The following TRIM33 variants were observed in gnomAD, a reference collection of about 807,000 sequenced individuals.
TRIM33 encodes tripartite motif containing 33.
A neutral mutation model predicts 125.4 loss-of-function variants in TRIM33; 20 were observed. The observed-to-expected ratio is 0.16, with a 90% CI of 0.11 to 0.23. TRIM33 has a LOEUF of 0.23. TRIM33 is among the 10% of genes least tolerant of loss of function. The pLI is 1.00. For missense variants in TRIM33, 920 were observed against 1,411.4 expected (o/e 0.65, Z 5.58); for synonymous variants, 564 against 513.9 (o/e 1.10, Z -1.32).
chr1:114,411,294 C>T lies in TRIM33; in HGVS notation c.2062-978G>A, dbSNP rs1289493162. The stretch of plus-strand genomic sequence containing the variant: ...TCCTGAGCTCAAGCAATCTGCACAC[C>T]TTAGTCTCCCAAAGTACTGGGATTA... On this transcript the variant is annotated intron_variant, in intron 11 of 19. Transcript: ENST00000358465. 2.6e-5 allele frequency among the ~76,000 whole-genome samples: 4 copies of T among 152,262 alleles called. No homozygotes were observed. The East Asian group carries it at 5.8e-4, about 22-fold the overall frequency.
chr1:114,463,282 T>G, intron 3 of TRIM33, 46 bp from the exon 4 acceptor site: 1 of 1,565,010 alleles, frequency 6.4e-7, no homozygotes, highest in South Asian at 1.2e-5. Context: ...CATAAAATTT[T>G]TGTCTAGTTT....
chr1:114,434,670 T>C (rs550160551), intron 4 of TRIM33, among the ~76,000 whole-genome samples: 1 of 152,358 alleles, frequency 6.6e-6, no homozygotes, highest in South Asian at 2.1e-4. Context: ...TATTATTTAG[T>C]TTTTTTCTAT....
intron 10 of TRIM33, among the ~76,000 whole-genome samples, chr1:114,422,855 A>T (rs1647295731): frequency 6.6e-6 from 1 of 152,208 alleles, no homozygotes; most frequent in African/African-American, 2.4e-5. Context: ...AATTCAAAGA[A>T]TTGAGGGATA....
chr1:114,455,769 AC>A (rs750117765), intron 4 of TRIM33, among the ~76,000 whole-genome samples: 37 of 152,304 alleles, frequency 2.4e-4, no homozygotes, highest in Admixed American at 5.2e-4. Flanking sequence ...GCTGTATTTT[AC>A]CCCAGTTTGG....
intron 1 of TRIM33, among the ~76,000 whole-genome samples, chr1:114,505,715 C>G (rs1273575020): frequency 6.6e-6 from 1 of 152,076 alleles, no homozygotes; most frequent in African/African-American, 2.4e-5. Flanking sequence ...TTACAGGTGC[C>G]TGCCACCACG....
rs1173040317 is a variant in TRIM33 at position 114,433,605 on chromosome 1, C to T, written c.1040+12G>A. 2.6e-6 allele frequency: 4 copies of T among 1,520,416 alleles called. No individual in the cohort carries two copies. Among genetic ancestry groups the T allele is most frequent in the Non-Finnish European group, 2.7e-6 (3 of 1,113,408 alleles). The allele number at this position is 1,520,416 out of a possible 1,614,324, so 94.2% of individuals were successfully genotyped here. The stretch of plus-strand genomic sequence containing the variant: ...AATTCTTAAAATTATGGTTTTAAGG[C>T]AACAAACTTACCTATTCTGCACCTG... On this transcript the variant is annotated intron_variant, in intron 5 of 19. Coordinates refer to ENST00000358465, the MANE Select transcript of TRIM33 (RefSeq NM_015906.4).
In TRIM33 at chr1:114,394,133, G is replaced by A; in HGVS notation, c.*3515C>T. The stretch of plus-strand genomic sequence containing the variant: ...ATTAAGAATTCATGGTATGAATTAA[G>A]AATCTGTTTTAACTAAGGGAGTTGG... On this transcript the variant is annotated 3_prime_UTR_variant, in exon 20 of 20. Coordinates refer to ENST00000358465, the MANE Select transcript of TRIM33 (RefSeq NM_015906.4). 1 of 229,124 alleles carries A rather than the reference G, an allele frequency of 4.4e-6. No individual in the cohort carries two copies. Among genetic ancestry groups the A allele is most frequent in the African/African-American group, 2.2e-5 (1 of 45,212 alleles). The allele number at this position is 229,124 out of a possible 1,614,324, so 14.2% of individuals were successfully genotyped here.
chr1:114,450,744 G>C (rs940958112), intron 4 of TRIM33, among the ~76,000 whole-genome samples: 2 of 152,076 alleles, frequency 1.3e-5, no homozygotes, highest in Admixed American at 6.6e-5. Context: ...AAACTTCACT[G>C]ATCTTAACCT....
At chr1:114,501,051 G>A (rs1044742724) in intron 1 of TRIM33, among the ~76,000 whole-genome samples, 3 of 115,420 alleles carry the variant, frequency 2.6e-5, no homozygotes, top group African/African-American at 3.8e-5. Context: ...TTAGCCGGGC[G>A]TAGTGGCGGG....
chr1:114,418,340 G>A (rs188560892), intron 11 of TRIM33, among the ~76,000 whole-genome samples: 1 of 152,362 alleles, frequency 6.6e-6, no homozygotes, highest in African/African-American at 2.4e-5. Context: ...TGAGGACACA[G>A]AGCCAAACTG....
At chr1:114,496,734 GCTATCC>G (rs1168104098) in intron 1 of TRIM33, among the ~76,000 whole-genome samples, 3 of 152,178 alleles carry the variant, frequency 2.0e-5, no homozygotes, top group African/African-American at 4.8e-5. Context: ...CAGGTGAAGA[GCTATCC>G]CTGTTTGGCT....
At chr1:114,468,381 CT>C in intron 1 of TRIM33, 1 of 326,310 alleles carries the variant, frequency 3.1e-6, no homozygotes. Flanking sequence ...AGCAGCAGTC[CT>C]TTAGTTAGAG....
intron 10 of TRIM33, among the ~76,000 whole-genome samples, chr1:114,422,405 T>A (rs1647259599): frequency 6.6e-6 from 1 of 152,110 alleles, no homozygotes; most frequent in African/African-American, 2.4e-5. Context: ...CTTGAAGGCC[T>A]TCCATGAACT....
chr1:114,442,222 T>C (rs1214819802), intron 4 of TRIM33, among the ~76,000 whole-genome samples: 1 of 152,176 alleles, frequency 6.6e-6, no homozygotes, highest in Non-Finnish European at 1.5e-5. Flanking sequence ...AAACAAACCA[T>C]TTTGTCTGAC....
intron 15 of TRIM33, among the ~76,000 whole-genome samples, chr1:114,404,046 A>G (rs1557842869): frequency 6.6e-6 from 1 of 152,096 alleles, no homozygotes; most frequent in African/African-American, 2.4e-5. Flanking sequence ...AAAATGATTC[A>G]CTCCCTCTCT....
chr1:114,451,823 T>A (rs1393449715), intron 4 of TRIM33, among the ~76,000 whole-genome samples: 1 of 152,084 alleles, frequency 6.6e-6, no homozygotes. Context: ...AAAACATAGC[T>A]CATCTTTTTC....
intron 1 of TRIM33, among the ~76,000 whole-genome samples, chr1:114,479,907 GCGCCTCTGCCCGGC>G (rs765809006): frequency 3.6e-4 from 55 of 152,120 alleles, no homozygotes; most frequent in Non-Finnish European, 7.5e-4. Context: ...GAAGGTGGGG[GCGCCTCTGCCCGGC>G]CGCCCCTGCT....
intron 1 of TRIM33, among the ~76,000 whole-genome samples, chr1:114,498,409 A>G (rs1260624453): frequency 6.6e-6 from 1 of 152,162 alleles, no homozygotes; most frequent in Non-Finnish European, 1.5e-5. Context: ...GCACTTTGGG[A>G]GGCCAAGGCA....
intron 1 of TRIM33, among the ~76,000 whole-genome samples, chr1:114,480,723 TGAAAA>T (rs780338668): frequency 6.6e-6 from 1 of 151,974 alleles, no homozygotes; most frequent in African/African-American, 2.4e-5. Context: ...AACACTCCAA[TGAAAA>T]GAAGAGATTG....
Sources: allele counts gnomAD v4.1 joint callset (sites outside exome capture counted in the v4.1 genomes callset), GRCh38; gene constraint gnomAD v4.1.1; transcripts MANE v1.5; gene names NCBI Gene and HGNC (gene_info 2026-07-23, HGNC 2026-07-21).